The following SSBP3 variants were observed in gnomAD, a reference collection of about 807,000 sequenced individuals.
SSBP3 encodes single stranded DNA binding protein 3.
In SSBP3, 5 loss-of-function variants were observed where a neutral mutation model predicts 69.6. The observed-to-expected ratio is 0.07, with a 90% confidence interval of 0.04 to 0.15. SSBP3 has a LOEUF of 0.15. Among genes scored for constraint, SSBP3 ranks in the 10% least tolerant of loss-of-function variants. SSBP3 has a pLI of 1.00. For missense variants in SSBP3, 312 were observed against 534.0 expected (o/e 0.58, Z 4.10); for synonymous variants, 196 against 193.4 (o/e 1.01, Z -0.11).
intron 5 of SSBP3, among the ~76,000 whole-genome samples, chr1:54,266,774 T>A (rs975509248): frequency 6.6e-6 from 1 of 151,746 alleles, no homozygotes; most frequent in African/African-American, 2.4e-5. Flanking sequence ...GAATGAGCAC[T>A]GGCCAGGCAT....
At chr1:54,319,137 T>G (rs1472654816) in intron 4 of SSBP3, among the ~76,000 whole-genome samples, 2 of 152,166 alleles carry the variant, frequency 1.3e-5, no homozygotes, top group Admixed American at 1.3e-4. Flanking sequence ...CTTCTACATG[T>G]GTTCTTTCTA....
At chr1:54,338,948 A>G (rs185852398) in intron 4 of SSBP3, among the ~76,000 whole-genome samples, 16 of 152,348 alleles carry the variant, frequency 1.1e-4, no homozygotes, top group African/African-American at 3.8e-4. Flanking sequence ...AATAGGATGC[A>G]CGAGGTCCAA....
chr1:54,240,114 GCGCGCGCAA>G (rs1386065639), intron 13 of SSBP3, among the ~76,000 whole-genome samples: 472 of 8,470 alleles, frequency 0.056, 8 homozygotes, highest in Middle Eastern at 0.25. Flanking sequence ...GCGTGCGCGC[GCGCGCGCAA>G]CACATGCCCA....
chr1:54,316,597 C>T (rs1646103006), intron 4 of SSBP3, among the ~76,000 whole-genome samples: 2 of 139,006 alleles, frequency 1.4e-5, no homozygotes, highest in Non-Finnish European at 3.1e-5. Flanking sequence ...GCCGAGATTG[C>T]GCCACTGCAG....
chr1:54,307,179 A>C (rs551100945), intron 4 of SSBP3, among the ~76,000 whole-genome samples: 1 of 152,232 alleles, frequency 6.6e-6, no homozygotes, highest in African/African-American at 2.4e-5. Context: ...GCCTCCTCTA[A>C]AGGAACCAGC....
At chr1:54,251,514 C>A in intron 9 of SSBP3, 102 bp downstream of exon 9, 1 of 1,276,586 alleles carries the variant, frequency 7.8e-7, no homozygotes, top group Non-Finnish European at 1.1e-6. Flanking sequence ...CTCACCCCTG[C>A]GAACTGAGAG....
At chr1:54,372,028 AAACC>A (rs373660419) in intron 4 of SSBP3, among the ~76,000 whole-genome samples, 15 of 152,248 alleles carry the variant, frequency 9.9e-5, no homozygotes, top group African/African-American at 3.6e-4. Context: ...CAACTCTCCC[AAACC>A]ACTAGTTAAT....
chr1:54,316,661 AAAATAAATAAATAAATAAATAAATAAAT>A (rs201860772), intron 4 of SSBP3, among the ~76,000 whole-genome samples: 2 of 60,998 alleles, frequency 3.3e-5, no homozygotes, highest in South Asian at 4.0e-4. Flanking sequence ...AAAAAAAAAT[AAAATAAATAAATAAATAAATAAATAAAT>A]AAATAAATAA....
In SSBP3 at chr1:54,233,536, T is replaced by TGG. The variant is rs1189522307; in HGVS notation, c.928-4712_928-4711dup. ...CCAGCCGCCCCGTCCGGGAGGGAGGTGGGGGGGGTAAGCCCCCCGCCCGGC... is the reference window on the plus strand; with the variant it reads ...CCAGCCGCCCCGTCCGGGAGGGAGGTGGGGGGGGGGTAAGCCCCCCGCCCGGC... On this transcript the variant is annotated intron_variant, in intron 14 of 17. Coordinates refer to ENST00000610401, the Ensembl canonical transcript of SSBP3. 2.9e-5 allele frequency among the ~76,000 whole-genome samples: 3 copies of TGG among 103,410 alleles called. No homozygotes were observed. In the South Asian group the frequency reaches 1.0e-3, roughly 36 times the overall value. The allele number at this position is 103,410 out of a possible 152,430, so 67.8% of individuals were successfully genotyped here. A position where few individuals can be genotyped will look rare whatever the true frequency, so the allele number is the denominator to read the frequency against.
intron 4 of SSBP3, among the ~76,000 whole-genome samples, chr1:54,317,565 T>G (rs1646136528): frequency 6.6e-6 from 1 of 152,068 alleles, no homozygotes; most frequent in South Asian, 2.1e-4. Flanking sequence ...ATAAACATGT[T>G]TATCAAACAA....
At chr1:54,239,002 G>A (rs771183312) in intron 14 of SSBP3, 127 bp downstream of exon 14, 46 of 822,674 alleles carry the variant, frequency 5.6e-5, no homozygotes, top group African/African-American at 2.4e-4. Context: ...CTTTTCTGAC[G>A]GTTTATTTTA....
intron 4 of SSBP3, among the ~76,000 whole-genome samples, chr1:54,310,346 T>C (rs1645978323): frequency 6.6e-6 from 1 of 152,002 alleles, no homozygotes; most frequent in Non-Finnish European, 1.5e-5. Context: ...AAAAAACACC[T>C]GGTCACCTTC....
At chr1:54,386,224 C>A (rs12031444) in intron 4 of SSBP3, among the ~76,000 whole-genome samples, 16,491 of 152,210 alleles carry the variant, frequency 0.11, 1,040 homozygotes, top group East Asian at 0.28. Context: ...AGCTTCAACC[C>A]CTCGCTCCCC....
intron 4 of SSBP3, among the ~76,000 whole-genome samples, chr1:54,341,085 C>T (rs1186996787): frequency 6.6e-6 from 1 of 152,244 alleles, no homozygotes; most frequent in Non-Finnish European, 1.5e-5. Flanking sequence ...GAAACAATGT[C>T]TGCATAGTAA....
chr1:54,294,159 A>AAAAAAAG (rs754650225), intron 4 of SSBP3, among the ~76,000 whole-genome samples: 30 of 86,182 alleles, frequency 3.5e-4, no homozygotes, highest in Admixed American at 7.0e-4. Context: ...AAAAAAAAAA[A>AAAAAAAG]AAAGAAAGAA....
At chr1:54,238,786 G>A (rs938735809) in intron 14 of SSBP3, 90 of 215,546 alleles carry the variant, frequency 4.2e-4, no homozygotes, top group African/African-American at 6.6e-4. Context: ...GGGATTGCCC[G>A]GGCCACAGCC....
chr1:54,307,387 T>C (rs1407500287), intron 4 of SSBP3, among the ~76,000 whole-genome samples: 2 of 152,042 alleles, frequency 1.3e-5, no homozygotes, highest in Non-Finnish European at 2.9e-5. Flanking sequence ...CTGTCTCCCC[T>C]AGCCCGGGCC....
At chr1:54,349,950 G>A (rs1416247046) in intron 4 of SSBP3, among the ~76,000 whole-genome samples, 1 of 152,038 alleles carries the variant, frequency 6.6e-6, no homozygotes, top group Non-Finnish European at 1.5e-5. Context: ...TCTGCTGTTG[G>A]CTGTCATTTG....
intron 14 of SSBP3, among the ~76,000 whole-genome samples, chr1:54,232,676 T>G (rs1348671839): frequency 2.7e-5 from 4 of 148,532 alleles, no homozygotes; most frequent in Admixed American, 2.7e-4. Flanking sequence ...CCATCTCAGC[T>G]CACTGCAACC....
Sources: allele counts gnomAD v4.1 joint callset (sites outside exome capture counted in the v4.1 genomes callset), GRCh38; gene constraint gnomAD v4.1.1; transcripts MANE v1.5; gene names NCBI Gene and HGNC (gene_info 2026-07-23, HGNC 2026-07-21).